BMAL1: variants seen among roughly 807,000 people sequenced by gnomAD.
The protein encoded by BMAL1 is basic helix-loop-helix ARNT-like protein 1.
the BMAL1 span, among the ~76,000 whole-genome samples, chr11:13,303,310 A>G: frequency 6.6e-6 from 1 of 152,320 alleles, no homozygotes; most frequent in South Asian, 2.1e-4. Flanking sequence ...CAGCAAAGGG[A>G]AAAAAGGCCA....
At chr11:13,324,345 G>A in the BMAL1 span, among the ~76,000 whole-genome samples, 73 of 151,850 alleles carry the variant, frequency 4.8e-4, no homozygotes, top group South Asian at 0.015. Context: ...TCATCCCTTG[G>A]CACTCTCTGC....
At chr11:13,287,016 T>A in the BMAL1 span, among the ~76,000 whole-genome samples, 1 of 151,764 alleles carries the variant, frequency 6.6e-6, no homozygotes, top group African/African-American at 2.4e-5. Context: ...ATAGAAGAGG[T>A]TTTTGCTCCA....
At chr11:13,290,222 A>G in the BMAL1 span, among the ~76,000 whole-genome samples, 12 of 152,316 alleles carry the variant, frequency 7.9e-5, no homozygotes, top group East Asian at 2.1e-3. Context: ...GGATAGGGCC[A>G]TGTTTTAAAG....
At chr11:13,340,606 A>G in the BMAL1 span, among the ~76,000 whole-genome samples, 2 of 152,090 alleles carry the variant, frequency 1.3e-5, no homozygotes, top group Non-Finnish European at 2.9e-5. Flanking sequence ...ACCCACCCCC[A>G]GGATACCTGT....
chr11:13,289,559 A>C, the BMAL1 span, among the ~76,000 whole-genome samples: 2 of 152,012 alleles, frequency 1.3e-5, no homozygotes, highest in East Asian at 3.9e-4. Flanking sequence ...CAGGCCCCGG[A>C]GTGTGATGTT....
At chr11:13,360,514 T>C in the BMAL1 span, 1 of 1,243,398 alleles carries the variant, frequency 8.0e-7, no homozygotes, top group Non-Finnish European at 1.1e-6. Flanking sequence ...GTTTCAACAC[T>C]GAGCTTTTTT....
the BMAL1 span, among the ~76,000 whole-genome samples, chr11:13,296,019 T>C: frequency 6.6e-6 from 1 of 152,170 alleles, no homozygotes; most frequent in African/African-American, 2.4e-5. Flanking sequence ...TCACAGGACC[T>C]TTCTGCAGCA....
the BMAL1 span, among the ~76,000 whole-genome samples, chr11:13,334,419 G>T: frequency 6.6e-6 from 1 of 152,192 alleles, no homozygotes; most frequent in Non-Finnish European, 1.5e-5. Context: ...CAGGGCAGAG[G>T]CATCTGCACT....
At chr11:13,283,126 TGTCCTTTTAAATA>T in the BMAL1 span, among the ~76,000 whole-genome samples, 18 of 152,364 alleles carry the variant, frequency 1.2e-4, no homozygotes, top group East Asian at 3.5e-3. Context: ...TAGTATGTGC[TGTCCTTTTAAATA>T]GTGTAAACTA....
At chr11:13,349,341 C>G in the BMAL1 span, among the ~76,000 whole-genome samples, 5 of 152,232 alleles carry the variant, frequency 3.3e-5, no homozygotes, top group Non-Finnish European at 7.3e-5. Context: ...TGTCTGGCTT[C>G]AGGCCACTAC....
chr11:13,292,429 C>T, the BMAL1 span, among the ~76,000 whole-genome samples: 28 of 151,522 alleles, frequency 1.8e-4, no homozygotes, highest in Admixed American at 1.3e-4. Context: ...CGCCTGTAAT[C>T]CCAGCTCCTC....
At chr11:13,382,035 A>C in the BMAL1 span, among the ~76,000 whole-genome samples, 1 of 152,166 alleles carries the variant, frequency 6.6e-6, no homozygotes, top group East Asian at 1.9e-4. Context: ...GGCACAAACC[A>C]TCAAAAGCAG....
chr11:13,298,807 C>T, the BMAL1 span, among the ~76,000 whole-genome samples: 2 of 152,350 alleles, frequency 1.3e-5, 1 homozygote, highest in South Asian at 4.1e-4. Context: ...GCAGTCCCTT[C>T]TCAGGCTGAA....
chr11:13,317,546 A>C, the BMAL1 span, among the ~76,000 whole-genome samples: 1 of 152,224 alleles, frequency 6.6e-6, no homozygotes, highest in African/African-American at 2.4e-5. Flanking sequence ...TACCTGACAG[A>C]AGTTCTTAGA....
the BMAL1 span, among the ~76,000 whole-genome samples, chr11:13,311,777 G>A: frequency 6.6e-6 from 1 of 152,168 alleles, no homozygotes; most frequent in Non-Finnish European, 1.5e-5. Context: ...GAGGTGTGGT[G>A]TTCGTAACTC....
chr11:13,378,568 T>C, the BMAL1 span: 4 of 1,361,792 alleles, frequency 2.9e-6, no homozygotes, highest in Admixed American at 4.6e-5. Flanking sequence ...GGGTGGGAGG[T>C]TGCTACTTAA....
At chr11:13,318,552 T>G in the BMAL1 span, among the ~76,000 whole-genome samples, 5 of 148,524 alleles carry the variant, frequency 3.4e-5, no homozygotes, top group Admixed American at 2.0e-4. Context: ...TAGTTTTTTT[T>G]TTTTTTTTTT....
At chr11:13,381,774 C>T in the BMAL1 span, among the ~76,000 whole-genome samples, 3 of 152,158 alleles carry the variant, frequency 2.0e-5, no homozygotes, top group African/African-American at 4.8e-5. Flanking sequence ...ATCACCAGCC[C>T]TCATGAAGAG....
At chr11:13,285,055 G>T in the BMAL1 span, among the ~76,000 whole-genome samples, 3 of 152,218 alleles carry the variant, frequency 2.0e-5, no homozygotes, top group Admixed American at 2.0e-4. Context: ...TCTCTTCCTT[G>T]CCCGTGCCTG....
Sources: allele counts gnomAD v4.1 joint callset (sites outside exome capture counted in the v4.1 genomes callset), GRCh38; gene constraint gnomAD v4.1.1; transcripts MANE v1.5; gene names NCBI Gene and HGNC (gene_info 2026-07-23, HGNC 2026-07-21).